TBC1D30: variants seen among roughly 807,000 people sequenced by gnomAD.
TBC1D30 encodes TBC1 domain family member 30, also known as TBC1 domain family, member 30.
A neutral mutation model predicts 63.2 loss-of-function variants in TBC1D30; 31 were observed. The ratio of observed to expected loss-of-function variants is 0.49; its 90% CI spans 0.37 to 0.66. The LOEUF (loss-of-function observed/expected upper bound fraction) is 0.66, where lower values mean the gene tolerates loss of function less well. Ranked by LOEUF, TBC1D30 falls within the 30% of genes least tolerant of loss-of-function variation. The pLI is 0.00. For synonymous variants in TBC1D30, 307 were observed against 361.5 expected, an observed-to-expected ratio of 0.85 and a Z score of 1.71; for missense variants, 810 against 953.6, an observed-to-expected ratio of 0.85 and a Z score of 1.98.
At chr12:64,873,301 T>C (rs1275889311) in intron 11 of TBC1D30, among the ~76,000 whole-genome samples, 1 of 151,876 alleles carries the variant, frequency 6.6e-6, no homozygotes, top group Non-Finnish European at 1.5e-5. Context: ...AAGAAAGTAA[T>C]GAAGATTTAG....
At chr12:64,843,225 C>T (rs148994460) in intron 7 of TBC1D30, among the ~76,000 whole-genome samples, 155 bp from the exon 8 acceptor site, 1 of 152,310 alleles carries the variant, frequency 6.6e-6, no homozygotes, top group East Asian at 1.9e-4. Flanking sequence ...AGGCTCCTGG[C>T]CTCAAGCAAT....
chr12:64,767,800 G>A (rs1196040302), intron 1 of TBC1D30, among the ~76,000 whole-genome samples: 2 of 24,166 alleles, frequency 8.3e-5, no homozygotes, highest in Admixed American at 4.2e-4. Context: ...GGGGGGGGGG[G>A]AGGGGGGGGA....
At chr12:64,815,723 C>G (rs1873485080) in intron 2 of TBC1D30, among the ~76,000 whole-genome samples, 1 of 152,110 alleles carries the variant, frequency 6.6e-6, no homozygotes, top group Non-Finnish European at 1.5e-5. Context: ...ATTACGTGAA[C>G]TTCCAATACT....
chr12:64,861,166 G>A (rs948566166), intron 8 of TBC1D30, among the ~76,000 whole-genome samples: 1 of 152,232 alleles, frequency 6.6e-6, no homozygotes, highest in African/African-American at 2.4e-5. Context: ...ACATCTGCGT[G>A]AAGATGAACT....
At position 64,830,377 on chromosome 12, in the gene TBC1D30, G is replaced by A; in HGVS notation, c.283G>A (p.Val95Ile). The stretch of plus-strand genomic sequence containing the variant: ...CTCCTTTGTCTATGTAATATTTTAG[G>A]TTTGGTTGACCTTGGCAGATCATTA... ...TGIPKEWRRK[V>I]WLTLADHYLH... Residue 95 changes from valine to isoleucine, a missense_variant and splice_region_variant, in exon 4 of 12, where the codon GTT becomes ATT. Physicochemically the swap from Val to Ile is conservative, Grantham distance 29 (BLOSUM62 3). This residue lies in a region of TBC1D30 where 272 missense variants were observed against 335.9 expected (regional missense o/e 0.81). Transcript: ENST00000539867. The A allele has an allele frequency of 2.0e-6, 3 of 1,523,432 alleles. No individual in the cohort carries two copies. Among genetic ancestry groups the A allele is most frequent in the Non-Finnish European group, 2.6e-6 (3 of 1,137,336 alleles). 94.4% of individuals were successfully genotyped at this position (1,523,432 alleles called of 1,614,324 possible). A position where few individuals can be genotyped will look rare whatever the true frequency, so the allele number is the denominator to read the frequency against.
At chr12:64,781,325 G>T in intron 1 of TBC1D30, 2 of 1,071,840 alleles carry the variant, frequency 1.9e-6, no homozygotes, top group Non-Finnish European at 2.3e-6. Flanking sequence ...GGGCTTCCTG[G>T]AGCCGGGTTG....
At chr12:64,858,424 C>A (rs1877492790) in intron 8 of TBC1D30, among the ~76,000 whole-genome samples, 1 of 152,138 alleles carries the variant, frequency 6.6e-6, no homozygotes, top group Non-Finnish European at 1.5e-5. Context: ...GAGCTCAGGG[C>A]CCATGGCATA....
At chr12:64,782,207 G>C (rs773248412) in intron 1 of TBC1D30, among the ~76,000 whole-genome samples, 10 of 151,620 alleles carry the variant, frequency 6.6e-5, no homozygotes, top group Non-Finnish European at 1.5e-4. Context: ...CAGATGCCGA[G>C]CCACCATAAC....
chr12:64,788,646 G>A (rs1220254103), intron 2 of TBC1D30, among the ~76,000 whole-genome samples: 2 of 152,220 alleles, frequency 1.3e-5, no homozygotes, highest in South Asian at 2.1e-4. Flanking sequence ...AGCGCTCACC[G>A]TAATTCATGA....
intron 8 of TBC1D30, among the ~76,000 whole-genome samples, chr12:64,853,272 C>G (rs917226998): frequency 1.3e-5 from 2 of 152,172 alleles, no homozygotes; most frequent in African/African-American, 4.8e-5. Context: ...AACTTCCTGG[C>G]AGCTTTCTTT....
intron 2 of TBC1D30, among the ~76,000 whole-genome samples, chr12:64,816,086 G>A (rs1302303304): frequency 4.7e-5 from 7 of 150,172 alleles, no homozygotes; most frequent in East Asian, 3.9e-4. Context: ...AGGCTGGAGC[G>A]CAGTGGTGCA....
intron 2 of TBC1D30, among the ~76,000 whole-genome samples, chr12:64,814,410 T>C (rs564443894): frequency 8.0e-4 from 122 of 152,084 alleles, no homozygotes; most frequent in African/African-American, 2.6e-3. Flanking sequence ...TCATGTGCCA[T>C]AGATAAAATT....
intron 1 of TBC1D30, among the ~76,000 whole-genome samples, chr12:64,762,778 A>G (rs1147089): frequency 0.7 from 105,766 of 152,068 alleles, 38,299 homozygotes; most frequent in African/African-American, 0.9. Flanking sequence ...TTTCTAAAGA[A>G]AATAGAAAGA....
chr12:64,829,881 C>T (rs992574228), intron 3 of TBC1D30, among the ~76,000 whole-genome samples: 6 of 152,040 alleles, frequency 3.9e-5, no homozygotes, highest in Non-Finnish European at 7.4e-5. Context: ...AAAAAACTTA[C>T]TCATTATGGG....
chr12:64,818,140 TA>T (rs1316918485), intron 2 of TBC1D30, among the ~76,000 whole-genome samples: 2 of 152,092 alleles, frequency 1.3e-5, no homozygotes, highest in East Asian at 3.9e-4. Flanking sequence ...ATGACCAGGT[TA>T]AACAGTTATT....
intron 2 of TBC1D30, among the ~76,000 whole-genome samples, chr12:64,806,095 G>A (rs1872853727): frequency 6.6e-6 from 1 of 152,180 alleles, no homozygotes; most frequent in Non-Finnish European, 1.5e-5. Flanking sequence ...GAAGACCAGT[G>A]GAATGTAAAA....
At chr12:64,799,637 C>A (rs1273610296) in intron 2 of TBC1D30, among the ~76,000 whole-genome samples, 1 of 152,312 alleles carries the variant, frequency 6.6e-6, no homozygotes, top group Non-Finnish European at 1.5e-5. Context: ...CAATAACATG[C>A]AAGAAGAGTG....
intron 8 of TBC1D30, among the ~76,000 whole-genome samples, chr12:64,859,253 G>A (rs73325497): frequency 0.012 from 1,854 of 152,264 alleles, 51 homozygotes; most frequent in African/African-American, 0.043. Flanking sequence ...ACTGTCAGAA[G>A]GCTGGAATTC....
chr12:64,788,748 C>T (rs1565642426), intron 2 of TBC1D30, among the ~76,000 whole-genome samples: 1 of 152,166 alleles, frequency 6.6e-6, no homozygotes, highest in Non-Finnish European at 1.5e-5. Flanking sequence ...GGTTGTCTGG[C>T]ACCTTTCCTG....
Sources: gnomAD v4.1 joint callset for allele counts (sites outside exome capture counted in the v4.1 genomes callset) on GRCh38, gnomAD v4.1.1 for gene constraint, gnomAD v4.1.1 regional missense constraint, MANE v1.5 for transcripts, NCBI Gene and HGNC (gene_info 2026-07-23, HGNC 2026-07-21) for gene names.